TMC1: variants seen among roughly 807,000 people sequenced by gnomAD.
The protein encoded by TMC1 is transmembrane channel like 1.
TMC1 carries 84 observed loss-of-function variants against 105.8 expected under a neutral mutation model. That is an observed-to-expected ratio of 0.79 (90% CI 0.67 to 0.95). The LOEUF is 0.95. Among genes scored for constraint, TMC1 ranks in the 40% least tolerant of loss-of-function variants. The pLI, the probability that TMC1 is intolerant of heterozygous loss-of-function variation, is 0.00. For missense variants in TMC1, 817 were observed against 914.1 expected (o/e 0.89, Z 1.37); for synonymous variants, 315 against 311.5 (o/e 1.01, Z -0.12).
intron 20 of TMC1, among the ~76,000 whole-genome samples, chr9:72,824,412 C>T (rs1417383631): frequency 6.6e-6 from 1 of 152,136 alleles, no homozygotes; most frequent in Non-Finnish European, 1.5e-5. Context: ...AAGCTCTTGT[C>T]CAGCATCCAA....
intron 3 of TMC1, 53 bp downstream of exon 3, chr9:72,616,530 A>G (rs1825133374): frequency 6.6e-6 from 1 of 151,632 alleles, no homozygotes; most frequent in African/African-American, 2.4e-5. Context: ...GTTCAGGATC[A>G]TTACACTGAA....
intron 7 of TMC1, among the ~76,000 whole-genome samples, chr9:72,694,940 G>T (rs913880483): frequency 6.6e-6 from 1 of 152,066 alleles, no homozygotes; most frequent in Non-Finnish European, 1.5e-5. Flanking sequence ...TCTTATGAAG[G>T]ATCTGAATTA....
In TMC1 at chr9:72,637,049, C is replaced by CT. The variant is rs113347334; in HGVS notation, c.-53+8998dup. Among the ~76,000 whole-genome samples the CT allele has an allele frequency of 9.7e-3, 1,382 of 142,644 alleles. 19 individuals carry two copies. The highest frequency in any genetic ancestry group is 0.032 in the African/African-American group (1,241 of 39,120). The allele number at this position is 142,644 out of a possible 152,430, so 93.6% of individuals were successfully genotyped here. On this transcript the variant is annotated intron_variant, in intron 4 of 23. Transcript: ENST00000297784. Reference sequence around the variant, plus strand: ...AGCAGCCTAGAACTTTGAGTTTTTCCTTTTTTTTTTTTCAATCAACTAATG... The same window carrying CT: ...AGCAGCCTAGAACTTTGAGTTTTTCCTTTTTTTTTTTTTCAATCAACTAATG...
At position 72,812,237 on chromosome 9, in the gene TMC1, G is replaced by A. The variant is rs187387608; in HGVS notation, c.1696-3906G>A. Among the ~76,000 whole-genome samples, 1,163 of 152,250 alleles carry A rather than the reference G, an allele frequency of 7.6e-3. 2 individuals are homozygous for A. The highest frequency in any genetic ancestry group is 0.012 in the Non-Finnish European group (794 of 68,024). ...GTAGAATGGAGTTAGCAAATGAACT[G>A]GGATACAGAATTAGAAGATCAACTG... On this transcript the variant is annotated intron_variant, in intron 18 of 23. Coordinates refer to ENST00000297784, the MANE Select transcript of TMC1 (RefSeq NM_138691.3).
intron 8 of TMC1, among the ~76,000 whole-genome samples, chr9:72,710,628 TA>T (rs1246071678): frequency 6.6e-6 from 1 of 152,192 alleles, no homozygotes; most frequent in Non-Finnish European, 1.5e-5. Flanking sequence ...GCTGTTGCTT[TA>T]AAGTTTGTTT....
At chr9:72,824,890 G>A (rs183606345) in intron 20 of TMC1, among the ~76,000 whole-genome samples, 39 of 152,340 alleles carry the variant, frequency 2.6e-4, no homozygotes, top group African/African-American at 8.9e-4. Context: ...GCTTGGAGGT[G>A]GCATTTCACC....
chr9:72,527,846 T>C (rs1302869555), intron 1 of TMC1, among the ~76,000 whole-genome samples: 5 of 152,224 alleles, frequency 3.3e-5, no homozygotes, highest in Non-Finnish European at 7.3e-5. Context: ...CCAATGGCAC[T>C]GCGAGACCCT....
At chr9:72,679,542 C>T (rs533819414) in intron 5 of TMC1, among the ~76,000 whole-genome samples, 193 of 152,202 alleles carry the variant, frequency 1.3e-3, no homozygotes, top group Middle Eastern at 3.4e-3. Flanking sequence ...ATTTATTTCT[C>T]ATAGTTCTGG....
chr9:72,826,736 A>G (rs1422624871), intron 20 of TMC1, 133 bp from the exon 21 acceptor site: 1 of 907,714 alleles, frequency 1.1e-6, no homozygotes, highest in South Asian at 1.4e-5. Context: ...AGCAAGTTGT[A>G]GCTAAACATC....
At chr9:72,613,361 G>A (rs937749017) in intron 2 of TMC1, among the ~76,000 whole-genome samples, 3 of 152,022 alleles carry the variant, frequency 2.0e-5, no homozygotes, top group Non-Finnish European at 4.4e-5. Context: ...CCCGAACTCA[G>A]ATGATCCACC....
At position 72,708,921 on chromosome 9, in the gene TMC1, C is replaced by T. The variant is rs561775530; in HGVS notation, c.362+8278C>T. Among the ~76,000 whole-genome samples the T allele has an allele frequency of 1.6e-3, 240 of 151,812 alleles. No individual in the cohort carries two copies. The Middle Eastern group carries it at 0.031, about 19-fold the overall frequency. Reference sequence around the variant, plus strand: ...AGATGGCTTTTATTACATTGAGGTACGTCCCTTGTATGCCGATTTTGCTGA... The same window carrying T: ...AGATGGCTTTTATTACATTGAGGTATGTCCCTTGTATGCCGATTTTGCTGA... On this transcript the variant is annotated intron_variant, in intron 8 of 23. Transcript: ENST00000297784.
intron 8 of TMC1, among the ~76,000 whole-genome samples, chr9:72,705,595 G>A (rs1464968714): frequency 6.6e-6 from 1 of 152,148 alleles, no homozygotes; most frequent in Admixed American, 6.5e-5. Flanking sequence ...ATAAAGCATT[G>A]ATTGGAAGAA....
At chr9:72,541,339 G>A (rs1162566074) in intron 1 of TMC1, among the ~76,000 whole-genome samples, 1 of 152,158 alleles carries the variant, frequency 6.6e-6, no homozygotes, top group African/African-American at 2.4e-5. Flanking sequence ...AAACCATACA[G>A]AACAGTAGAT....
chr9:72,600,568 A>G (rs1824791090), intron 2 of TMC1, among the ~76,000 whole-genome samples: 1 of 152,218 alleles, frequency 6.6e-6, no homozygotes, highest in Non-Finnish European at 1.5e-5. Context: ...TCTATCTGGC[A>G]AAATGAAAAA....
intron 21 of TMC1, among the ~76,000 whole-genome samples, chr9:72,829,901 C>A (rs1829014120): frequency 6.6e-6 from 1 of 152,132 alleles, no homozygotes. Flanking sequence ...CTTTATACAA[C>A]GTTTTCTTTT....
At chr9:72,784,991 T>A (rs1163961101) in intron 13 of TMC1, among the ~76,000 whole-genome samples, 1 of 152,152 alleles carries the variant, frequency 6.6e-6, no homozygotes, top group African/African-American at 2.4e-5. Context: ...TATTGGTTAC[T>A]ACGCTCATCA....
intron 20 of TMC1, among the ~76,000 whole-genome samples, chr9:72,825,198 G>T (rs2118313373): frequency 6.6e-6 from 1 of 152,296 alleles, no homozygotes; most frequent in South Asian, 2.1e-4. Context: ...AAGAGACACA[G>T]GGTTAAGTCC....
chr9:72,814,520 T>C (rs532031489), intron 18 of TMC1, among the ~76,000 whole-genome samples: 1 of 152,310 alleles, frequency 6.6e-6, no homozygotes, highest in African/African-American at 2.4e-5. Context: ...CCTTCAACAG[T>C]ATCTAGAGTG....
intron 10 of TMC1, among the ~76,000 whole-genome samples, chr9:72,745,934 T>C (rs1054445231): frequency 2.0e-5 from 3 of 152,194 alleles, no homozygotes; most frequent in African/African-American, 7.2e-5. Context: ...CAACATTCTA[T>C]GATGTGTAAG....
Sources: gnomAD v4.1 joint callset for allele counts (sites outside exome capture counted in the v4.1 genomes callset) on GRCh38, gnomAD v4.1.1 for gene constraint, MANE v1.5 for transcripts, NCBI Gene and HGNC (gene_info 2026-07-23, HGNC 2026-07-21) for gene names.